UBE2E2: variants seen among roughly 807,000 people sequenced by gnomAD.
UBE2E2 encodes the protein ubiquitin-conjugating enzyme E2 E2.
UBE2E2 carries 6 observed loss-of-function variants against 24.7 expected under a neutral mutation model. The ratio of observed to expected loss-of-function variants is 0.24; its 90% CI spans 0.13 to 0.48. The LOEUF is 0.48. Among genes scored for constraint, UBE2E2 ranks in the 20% least tolerant of loss-of-function variants. The pLI is 0.99. For synonymous variants in UBE2E2, 104 were observed against 83.6 expected, an observed-to-expected ratio of 1.24 and a Z score of -1.33; for missense variants, 169 against 245.0, an observed-to-expected ratio of 0.69 and a Z score of 2.07.
rs371906744 is a variant in UBE2E2, at chr3:23,217,378, T to C, written c.227+66T>C. On this transcript the variant is annotated intron_variant, in intron 3 of 5. Coordinates refer to ENST00000396703, the MANE Select transcript of UBE2E2 (RefSeq NM_152653.4). ...GAAGGTGCATTTGAACTGTTGGTTT[T>C]ATATGCAGCTGTTGTTGTAGTCTGA... 3.0e-4 allele frequency: 411 copies of C among 1,391,208 alleles called. 3 individuals are homozygous for C. In the African/African-American group the frequency reaches 5.1e-3, roughly 17 times the overall value. The allele number at this position is 1,391,208 out of a possible 1,614,324, so 86.2% of individuals were successfully genotyped here.
chr3:23,511,214 A>G (rs1392515417), intron 4 of UBE2E2, among the ~76,000 whole-genome samples: 3 of 152,316 alleles, frequency 2.0e-5, no homozygotes, highest in East Asian at 1.9e-4. Flanking sequence ...CCTGATCTCT[A>G]CCCACTAAAT....
At chr3:23,535,606 T>G (rs1324906201) in intron 5 of UBE2E2, among the ~76,000 whole-genome samples, 1 of 149,356 alleles carries the variant, frequency 6.7e-6, no homozygotes, top group Admixed American at 6.7e-5. Flanking sequence ...TTATTGAGCC[T>G]GATAGAGCAT....
intron 4 of UBE2E2, among the ~76,000 whole-genome samples, chr3:23,507,459 T>C (rs1326391115): frequency 6.6e-6 from 1 of 152,258 alleles, no homozygotes; most frequent in Non-Finnish European, 1.5e-5. Context: ...GAACAATACC[T>C]GGTGATTCAG....
intron 3 of UBE2E2, among the ~76,000 whole-genome samples, chr3:23,362,197 A>T: frequency 6.6e-6 from 1 of 152,120 alleles, no homozygotes; most frequent in East Asian, 1.9e-4. Context: ...CAGCAGGGGG[A>T]CACAGAGAGC....
intron 3 of UBE2E2, among the ~76,000 whole-genome samples, chr3:23,311,328 G>A (rs1360475859): frequency 6.6e-6 from 1 of 152,234 alleles, no homozygotes; most frequent in Non-Finnish European, 1.5e-5. Context: ...ACGTGTGCAT[G>A]TGTCTTTATA....
At chr3:23,264,136 CA>C (rs1697977466) in intron 3 of UBE2E2, among the ~76,000 whole-genome samples, 1 of 152,030 alleles carries the variant, frequency 6.6e-6, no homozygotes, top group Non-Finnish European at 1.5e-5. Flanking sequence ...AGTATCTTAC[CA>C]AAATTTAACA....
At chr3:23,210,193 G>T (rs1358136557) in intron 2 of UBE2E2, among the ~76,000 whole-genome samples, 1 of 152,138 alleles carries the variant, frequency 6.6e-6, no homozygotes, top group African/African-American at 2.4e-5. Context: ...GGAAGGAGAT[G>T]TTCAGGTACA....
At chr3:23,531,772 G>C (rs1299992786) in intron 4 of UBE2E2, among the ~76,000 whole-genome samples, 1 of 152,060 alleles carries the variant, frequency 6.6e-6, no homozygotes, top group Non-Finnish European at 1.5e-5. Flanking sequence ...TTTTAAAACT[G>C]TGTTATAGGC....
At chr3:23,334,041 T>C (rs1008358069) in intron 3 of UBE2E2, among the ~76,000 whole-genome samples, 3 of 152,192 alleles carry the variant, frequency 2.0e-5, no homozygotes, top group African/African-American at 7.2e-5. Context: ...ATTTGATTCT[T>C]TGTATTATTT....
At chr3:23,586,960 G>A (rs1313908602) in intron 5 of UBE2E2, among the ~76,000 whole-genome samples, 1 of 150,648 alleles carries the variant, frequency 6.6e-6, no homozygotes, top group Non-Finnish European at 1.5e-5. Flanking sequence ...AACATACCAC[G>A]ATGTTAACAG....
intron 5 of UBE2E2, among the ~76,000 whole-genome samples, chr3:23,557,335 A>G (rs948075977): frequency 3.3e-5 from 5 of 152,166 alleles, no homozygotes; most frequent in African/African-American, 1.2e-4. Flanking sequence ...AAGCACTTCT[A>G]TTTTACAATC....
intron 3 of UBE2E2, among the ~76,000 whole-genome samples, chr3:23,267,615 C>A (rs1171883288): frequency 6.6e-6 from 1 of 151,932 alleles, no homozygotes; most frequent in Non-Finnish European, 1.5e-5. Context: ...CAGCCGAATT[C>A]TACCAGAGGT....
intron 3 of UBE2E2, among the ~76,000 whole-genome samples, chr3:23,480,046 G>A (rs1266240073): frequency 6.6e-6 from 1 of 152,176 alleles, no homozygotes; most frequent in African/African-American, 2.4e-5. Flanking sequence ...TTTCACTGGG[G>A]ACCTGCCCCT....
At chr3:23,428,400 T>G (rs1697979540) in intron 3 of UBE2E2, among the ~76,000 whole-genome samples, 1 of 152,048 alleles carries the variant, frequency 6.6e-6, no homozygotes, top group Non-Finnish European at 1.5e-5. Context: ...AAAACAGTGT[T>G]TAGAAGGAAA....
chr3:23,376,730 T>C (rs1455579052), intron 3 of UBE2E2, among the ~76,000 whole-genome samples: 1 of 152,344 alleles, frequency 6.6e-6, no homozygotes, highest in South Asian at 2.1e-4. Context: ...CCTGTGGCAA[T>C]GTCACAGCAT....
In UBE2E2 at chr3:23,245,191, A is replaced by G. The variant is rs1371405807; in HGVS notation, c.227+27879A>G. Among the ~76,000 whole-genome samples, 4 of 152,278 alleles carry G rather than the reference A, an allele frequency of 2.6e-5. No homozygotes were observed. The East Asian group carries it at 7.7e-4, about 29-fold the overall frequency. On this transcript the variant is annotated intron_variant, in intron 3 of 5. Coordinates refer to ENST00000396703, the MANE Select transcript of UBE2E2 (RefSeq NM_152653.4). ...CCATTTACATAAAAATGGGAGGGTCATAGGAAAAAACTCCATAGAGCACTT... is the reference window on the plus strand; with the variant it reads ...CCATTTACATAAAAATGGGAGGGTCGTAGGAAAAAACTCCATAGAGCACTT...
intron 3 of UBE2E2, among the ~76,000 whole-genome samples, chr3:23,497,811 C>T (rs1357857749): frequency 2.0e-5 from 3 of 152,094 alleles, no homozygotes; most frequent in East Asian, 3.8e-4. Context: ...AGTTGACCCA[C>T]GCAATGCAGA....
At chr3:23,481,411 A>G (rs1193906927) in intron 3 of UBE2E2, among the ~76,000 whole-genome samples, 1 of 152,242 alleles carries the variant, frequency 6.6e-6, no homozygotes, top group Non-Finnish European at 1.5e-5. Context: ...ATTTGAACTA[A>G]TTAGTTGGTG....
chr3:23,204,145 C>G (rs1354009192), intron 1 of UBE2E2, among the ~76,000 whole-genome samples: 1 of 151,156 alleles, frequency 6.6e-6, no homozygotes, highest in East Asian at 2.0e-4. Flanking sequence ...TTCCCGCCCA[C>G]CCCACTTCTC....
Sources: gnomAD v4.1 joint callset for allele counts (sites outside exome capture counted in the v4.1 genomes callset) on GRCh38, gnomAD v4.1.1 for gene constraint, MANE v1.5 for transcripts, NCBI Gene and HGNC (gene_info 2026-07-23, HGNC 2026-07-21) for gene names.